The following CADM2 variants were observed in gnomAD, a reference collection of about 807,000 sequenced individuals.
CADM2 encodes the protein cell adhesion molecule 2.
Under a neutral mutation model 49.8 loss-of-function variants are expected in CADM2, and 12 were observed. The observed-to-expected ratio is 0.24, with a 90% CI of 0.15 to 0.39. CADM2 has a LOEUF of 0.39. Ranked by LOEUF, CADM2 falls within the 10% of genes least tolerant of loss-of-function variation. CADM2 has a pLI of 1.00. For synonymous variants in CADM2, 214 were observed against 175.4 expected, an observed-to-expected ratio of 1.22 and a Z score of -1.74; for missense variants, 378 against 492.3, an observed-to-expected ratio of 0.77 and a Z score of 2.20.
rs183489524 is a variant in CADM2, at chr3:85,425,660, G to A, written c.62-300862G>A. Among the ~76,000 whole-genome samples, 17 of 152,098 alleles carry A rather than the reference G, an allele frequency of 1.1e-4. No homozygotes were observed. The East Asian group carries it at 2.7e-3, about 24-fold the overall frequency. ...TAACTCTCATTATCCACCCCTCTCA[G>A]TCATTTTTGTTTTAAATCACCAAGT... On this transcript the variant is annotated intron_variant, in intron 1 of 9. Transcript: ENST00000383699.
intron 1 of CADM2, among the ~76,000 whole-genome samples, chr3:85,416,614 GC>G (rs1253541732): frequency 6.6e-5 from 10 of 152,128 alleles, no homozygotes; most frequent in African/African-American, 2.2e-4. Context: ...GAACAAAGAA[GC>G]CAGAGTGCTG....
At chr3:85,046,208 A>T (rs1012069719) in intron 1 of CADM2, among the ~76,000 whole-genome samples, 5 of 152,134 alleles carry the variant, frequency 3.3e-5, no homozygotes, top group Non-Finnish European at 7.4e-5. Flanking sequence ...TTTGTTTAAA[A>T]TAACCAAAGG....
chr3:85,986,011 A>G (rs1312714806), intron 8 of CADM2, among the ~76,000 whole-genome samples: 1 of 152,070 alleles, frequency 6.6e-6, no homozygotes, highest in South Asian at 2.1e-4. Flanking sequence ...AAAATAAAAT[A>G]AGCTAAAGCA....
chr3:85,494,108 A>G (rs182822474), intron 1 of CADM2, among the ~76,000 whole-genome samples: 1 of 152,248 alleles, frequency 6.6e-6, no homozygotes, highest in East Asian at 1.9e-4. Flanking sequence ...ATAGGGGAAA[A>G]TTCAAGTTAT....
intron 1 of CADM2, among the ~76,000 whole-genome samples, chr3:85,639,636 AAGGCACAT>A: frequency 6.6e-6 from 1 of 152,206 alleles, no homozygotes; most frequent in Non-Finnish European, 1.5e-5. Context: ...TTCTAATTAA[AAGGCACAT>A]ATTTTATGTT....
At chr3:85,962,089 C>A (rs549376645) in intron 8 of CADM2, among the ~76,000 whole-genome samples, 1 of 151,872 alleles carries the variant, frequency 6.6e-6, no homozygotes, top group Admixed American at 6.6e-5. Flanking sequence ...GCATGCACCA[C>A]TATATTTTTA....
At chr3:86,006,494 T>G (rs1338681091) in intron 8 of CADM2, among the ~76,000 whole-genome samples, 1 of 152,180 alleles carries the variant, frequency 6.6e-6, no homozygotes, top group African/African-American at 2.4e-5. Flanking sequence ...TTTCTCTCTG[T>G]GCTAGAGGGT....
chr3:85,024,871 TA>T (rs1231454566), intron 1 of CADM2, among the ~76,000 whole-genome samples: 1 of 152,010 alleles, frequency 6.6e-6, no homozygotes. Flanking sequence ...AAGAATCATA[TA>T]AACCTTAAAT....
At chr3:85,877,417 C>A (rs1054895974) in intron 3 of CADM2, among the ~76,000 whole-genome samples, 3 of 152,006 alleles carry the variant, frequency 2.0e-5, no homozygotes, top group African/African-American at 4.8e-5. Flanking sequence ...TTTCCACTGA[C>A]AATATTACAA....
At chr3:85,240,722 C>T (rs1180456889) in intron 1 of CADM2, among the ~76,000 whole-genome samples, 1 of 151,362 alleles carries the variant, frequency 6.6e-6, no homozygotes, top group Non-Finnish European at 1.5e-5. Context: ...TTTCAAAATC[C>T]TGTTTATTTT....
intron 1 of CADM2, among the ~76,000 whole-genome samples, chr3:85,327,955 A>G (rs925504994): frequency 3.9e-5 from 6 of 152,200 alleles, no homozygotes; most frequent in African/African-American, 1.4e-4. Context: ...TAAACATAAT[A>G]TTAAGTTACA....
At chr3:85,194,783 C>T (rs191190352) in intron 1 of CADM2, among the ~76,000 whole-genome samples, 1 of 152,084 alleles carries the variant, frequency 6.6e-6, no homozygotes, top group East Asian at 1.9e-4. Flanking sequence ...TAAGAAGTGT[C>T]GTGATCCCAT....
intron 1 of CADM2, among the ~76,000 whole-genome samples, chr3:85,324,514 T>TTC (rs1373510146): frequency 1.3e-5 from 2 of 152,156 alleles, no homozygotes; most frequent in Non-Finnish European, 2.9e-5. Flanking sequence ...TCACCAGACA[T>TTC]ACTAGTGAAT....
intron 1 of CADM2, among the ~76,000 whole-genome samples, chr3:85,212,818 C>CTTTCTTTCTTTCTTTCTTTCTT (rs1280979386): frequency 1.6e-5 from 1 of 62,282 alleles, no homozygotes; most frequent in African/African-American, 7.7e-5. Flanking sequence ...TCTTCTCTTT[C>CTTTCTTTCTTTCTTTCTTTCTT]TTTCTTTCTT....
At chr3:85,528,315 A>C (rs551621124) in intron 1 of CADM2, among the ~76,000 whole-genome samples, 1 of 119,316 alleles carries the variant, frequency 8.4e-6, no homozygotes, top group South Asian at 2.7e-4. Flanking sequence ...GAGAAACATC[A>C]GCATACTCAC....
At chr3:85,339,529 TCTTTTTTTTCTC>T (rs1185788195) in intron 1 of CADM2, among the ~76,000 whole-genome samples, 2 of 150,270 alleles carry the variant, frequency 1.3e-5, no homozygotes, top group Non-Finnish European at 3.0e-5. Flanking sequence ...CTTCCTTTCA[TCTTTTTTTTCTC>T]CTTTTTTTTC....
At chr3:86,039,803 C>A (rs1034508359) in intron 8 of CADM2, among the ~76,000 whole-genome samples, 12 of 150,506 alleles carry the variant, frequency 8.0e-5, no homozygotes, top group Non-Finnish European at 1.8e-4. Flanking sequence ...GGTCCCTGAC[C>A]CCTGAGTAGC....
At chr3:85,753,437 C>T (rs2068957059) in intron 2 of CADM2, among the ~76,000 whole-genome samples, 1 of 152,110 alleles carries the variant, frequency 6.6e-6, no homozygotes, top group Admixed American at 6.5e-5. Context: ...CACCAGAACC[C>T]TGATATGTGA....
In CADM2 at chr3:85,339,542, C is replaced by CT. The variant is rs138376083; in HGVS notation, c.61+379882dup. ...CCCTTCCTTTCATCTTTTTTTTCTC[C>CT]TTTTTTTTCTTTCTATTTTTCTCAT... On this transcript the variant is annotated intron_variant, in intron 1 of 9. Coordinates refer to ENST00000383699, the MANE Select transcript of CADM2 (RefSeq NM_001167675.2). Among the ~76,000 whole-genome samples the CT allele has an allele frequency of 7.3e-5, 11 of 150,662 alleles. No individual in the cohort carries two copies. The East Asian group carries it at 1.4e-3, about 19-fold the overall frequency.
Sources: allele counts gnomAD v4.1 joint callset (sites outside exome capture counted in the v4.1 genomes callset), GRCh38; gene constraint gnomAD v4.1.1; transcripts MANE v1.5; gene names NCBI Gene and HGNC (gene_info 2026-07-23, HGNC 2026-07-21).